The following TMEFF1 variants were observed in gnomAD, a reference collection of about 807,000 sequenced individuals.
TMEFF1 encodes transmembrane protein with EGF like and two follistatin like domains 1.
Under a neutral mutation model 47.5 loss-of-function variants are expected in TMEFF1, and 20 were observed. The ratio of observed to expected loss-of-function variants is 0.42; its 90% confidence interval spans 0.30 to 0.61. The LOEUF (loss-of-function observed/expected upper bound fraction) is 0.61. Ranked by LOEUF, TMEFF1 falls within the 20% of genes least tolerant of loss-of-function variation. The pLI, the probability that TMEFF1 is intolerant of heterozygous loss-of-function variation, is 0.19. For synonymous variants in TMEFF1, 162 were observed against 166.3 expected (o/e 0.97, Z 0.20); for missense variants, 411 against 471.1 (o/e 0.87, Z 1.18).
At chr9:100,574,423 C>CA (rs1418517068) in intron 9 of TMEFF1, among the ~76,000 whole-genome samples, 1 of 152,078 alleles carries the variant, frequency 6.6e-6, no homozygotes, top group Non-Finnish European at 1.5e-5. Flanking sequence ...CTCACTCTGT[C>CA]ATTCAGGCTG....
chr9:100,575,718 A>AT lies in TMEFF1; in HGVS notation c.1059-792dup, dbSNP rs113422836. On this transcript the variant is annotated intron_variant, in intron 9 of 9. Transcript: ENST00000374879. The stretch of plus-strand genomic sequence containing the variant: ...TGGAAGCTAGTCCAACTCCTAATTT[A>AT]TTTTTTACATATAGGAGAATTGAGG... Among the ~76,000 whole-genome samples, 734 of 152,122 alleles carry AT rather than the reference A, an allele frequency of 4.8e-3. 5 individuals carry two copies. The highest frequency in any genetic ancestry group is 0.016 in the African/African-American group (680 of 41,476).
intron 1 of TMEFF1, among the ~76,000 whole-genome samples, chr9:100,475,715 C>CTG (rs3055671): frequency 0.069 from 9,725 of 140,820 alleles, 364 homozygotes; most frequent in East Asian, 0.1. Flanking sequence ...TGCAGAGCGA[C>CTG]TGTGTGTGTG....
chr9:100,572,333 A>AT (rs1457744288), intron 8 of TMEFF1, among the ~76,000 whole-genome samples, 185 bp from the exon 9 acceptor site: 1 of 152,190 alleles, frequency 6.6e-6, no homozygotes, highest in Non-Finnish European at 1.5e-5. Flanking sequence ...AAGACGCACC[A>AT]TGTAGGCATA....
At chr9:100,496,527 A>G (rs891612764) in intron 1 of TMEFF1, among the ~76,000 whole-genome samples, 8 of 152,372 alleles carry the variant, frequency 5.3e-5, no homozygotes, top group Admixed American at 2.0e-4. Flanking sequence ...GGCGTGAGCC[A>G]CCAGGCCCAG....
At chr9:100,506,275 G>A (rs1348148744) in intron 2 of TMEFF1, among the ~76,000 whole-genome samples, 2 of 152,040 alleles carry the variant, frequency 1.3e-5, no homozygotes, top group Non-Finnish European at 2.9e-5. Context: ...CTTAAATAGG[G>A]AACTGGGAAA....
intron 2 of TMEFF1, among the ~76,000 whole-genome samples, chr9:100,508,124 G>A (rs1837894524): frequency 6.6e-6 from 1 of 152,082 alleles, no homozygotes; most frequent in Non-Finnish European, 1.5e-5. Context: ...CTGGCCATTT[G>A]TAATTTTTCT....
intron 5 of TMEFF1, among the ~76,000 whole-genome samples, chr9:100,523,855 T>C (rs1180986157): frequency 1.3e-5 from 2 of 152,216 alleles, no homozygotes; most frequent in East Asian, 3.8e-4. Context: ...TTTGAGGTAT[T>C]ATCCCTGTTT....
rs182256442 is a variant in TMEFF1 at position 100,573,192 on chromosome 9, C to T, written c.1058+516C>T. The stretch of plus-strand genomic sequence containing the variant: ...GATCCATGCAGAAGATTTTTAAGCC[C>T]TGCACAACTGCAAGGGGTTCTGTGC... On this transcript the variant is annotated intron_variant, in intron 9 of 9. Transcript: ENST00000374879. Among the ~76,000 whole-genome samples the T allele has an allele frequency of 6.2e-3, 950 of 152,138 alleles. 8 individuals carry two copies. The highest frequency in any genetic ancestry group is 0.011 in the Non-Finnish European group (714 of 67,998).
chr9:100,512,703 A>G (rs984878227), intron 3 of TMEFF1, among the ~76,000 whole-genome samples: 2 of 152,138 alleles, frequency 1.3e-5, no homozygotes, highest in Non-Finnish European at 2.9e-5. Flanking sequence ...GGCTCTTTTT[A>G]ATTTCACTAG....
intron 1 of TMEFF1, among the ~76,000 whole-genome samples, chr9:100,477,937 CT>C (rs1471249855): frequency 6.6e-6 from 1 of 152,078 alleles, no homozygotes; most frequent in African/African-American, 2.4e-5. Flanking sequence ...TGCATTTCTC[CT>C]TTTTTGAAAT....
At chr9:100,479,986 C>G (rs1837309506) in intron 1 of TMEFF1, among the ~76,000 whole-genome samples, 1 of 152,168 alleles carries the variant, frequency 6.6e-6, no homozygotes, top group South Asian at 2.1e-4. Flanking sequence ...TTTCTACCAG[C>G]AATGTTTGAA....
intron 2 of TMEFF1, among the ~76,000 whole-genome samples, chr9:100,503,801 C>G (rs188480536): frequency 6.6e-6 from 1 of 152,206 alleles, no homozygotes; most frequent in Non-Finnish European, 1.5e-5. Flanking sequence ...TGAATAGTGC[C>G]CACTCACACT....
rs1239080780 is a variant in TMEFF1 at position 100,513,450 on chromosome 9, G to A, written c.463+117G>A. 10 of 1,270,026 alleles carry A rather than the reference G, an allele frequency of 7.9e-6. No homozygotes were observed. The East Asian group carries it at 2.3e-4, about 30-fold the overall frequency. 78.7% of individuals were successfully genotyped at this position (1,270,026 alleles called of 1,614,324 possible). A position where few individuals can be genotyped will look rare whatever the true frequency, so the allele number is the denominator to read the frequency against. On this transcript the variant is annotated intron_variant, in intron 4 of 9. Transcript: ENST00000374879. ...ATATAATTCACATACCATATAATTT[G>A]CCACTTGAAGTGTACAAATTCAGTG... is the stretch of plus-strand genomic sequence containing the variant.
intron 2 of TMEFF1, among the ~76,000 whole-genome samples, chr9:100,506,035 T>A (rs1587826135): frequency 6.6e-6 from 1 of 152,300 alleles, no homozygotes; most frequent in South Asian, 2.1e-4. Context: ...CTTCCTAAAA[T>A]AAAAATATAA....
chr9:100,487,782 TA>T (rs1837478644), intron 1 of TMEFF1, among the ~76,000 whole-genome samples: 2 of 147,084 alleles, frequency 1.4e-5, no homozygotes, highest in South Asian at 2.2e-4. Flanking sequence ...TTTTTTTTTT[TA>T]AATTCTAGGA....
rs867430792 is a variant in TMEFF1, at chr9:100,485,212, A to G, written c.196+11472A>G. Reference sequence around the variant, plus strand: ...TCAGTATCCATTCATCTGTTGATAGACATTTTTTTGTTTTTACTTTTTGAC... The same window carrying G: ...TCAGTATCCATTCATCTGTTGATAGGCATTTTTTTGTTTTTACTTTTTGAC... On this transcript the variant is annotated intron_variant, in intron 1 of 9. Transcript: ENST00000374879. 9.9e-5 allele frequency among the ~76,000 whole-genome samples: 15 copies of G among 152,144 alleles called. 1 individual carries two copies. The highest frequency in any genetic ancestry group is 4.6e-4 in the Admixed American group (7 of 15,260).
chr9:100,488,204 A>G (rs1475599957), intron 1 of TMEFF1, among the ~76,000 whole-genome samples: 1 of 152,208 alleles, frequency 6.6e-6, no homozygotes. Flanking sequence ...TGGGATTATA[A>G]CTGTATGTAT....
chr9:100,531,300 C>A (rs568037252), intron 5 of TMEFF1, among the ~76,000 whole-genome samples: 3,232 of 152,124 alleles, frequency 0.021, 97 homozygotes, highest in African/African-American at 0.074. Context: ...TCAAATTGTC[C>A]CTGTTTGCAG....
intron 8 of TMEFF1, among the ~76,000 whole-genome samples, chr9:100,567,048 C>T (rs562993624): frequency 1.1e-4 from 17 of 152,232 alleles, no homozygotes; most frequent in African/African-American, 2.6e-4. Context: ...AAAGTCAGTT[C>T]GTATCATTCC....
Sources: gnomAD v4.1 joint callset for allele counts (sites outside exome capture counted in the v4.1 genomes callset) on GRCh38, gnomAD v4.1.1 for gene constraint, MANE v1.5 for transcripts, NCBI Gene and HGNC (gene_info 2026-07-23, HGNC 2026-07-21) for gene names.